The following LRRTM4 variants were observed in gnomAD, a reference collection of about 807,000 sequenced individuals.
LRRTM4 encodes the protein leucine-rich repeat transmembrane neuronal protein 4.
LRRTM4 carries 25 observed loss-of-function variants against 47.6 expected under a neutral mutation model. That is an observed-to-expected ratio of 0.53 (90% confidence interval 0.38 to 0.73). The LOEUF (loss-of-function observed/expected upper bound fraction) is 0.73. Ranked by LOEUF, LRRTM4 falls within the 30% of genes least tolerant of loss-of-function variation. The pLI is 0.00. For missense variants in LRRTM4, 638 were observed against 713.4 expected, an observed-to-expected ratio of 0.89 and a Z score of 1.20; for synonymous variants, 311 against 269.5, an observed-to-expected ratio of 1.15 and a Z score of -1.51.
intron 3 of LRRTM4, among the ~76,000 whole-genome samples, chr2:77,211,507 T>C (rs1674292565): frequency 6.6e-6 from 1 of 152,146 alleles, no homozygotes; most frequent in Admixed American, 6.6e-5. Flanking sequence ...ACCCATAACT[T>C]TATTTTGCAA....
chr2:76,936,773 G>A (rs1428411559), intron 3 of LRRTM4, among the ~76,000 whole-genome samples: 1 of 146,806 alleles, frequency 6.8e-6, no homozygotes, highest in Non-Finnish European at 1.5e-5. Context: ...TGGCCAAATG[G>A]TGAATCCCCA....
At chr2:77,248,736 G>C (rs904084104) in intron 3 of LRRTM4, among the ~76,000 whole-genome samples, 1 of 151,984 alleles carries the variant, frequency 6.6e-6, no homozygotes, top group African/African-American at 2.4e-5. Flanking sequence ...CCCTGAAATA[G>C]ACGCACATAA....
chr2:77,216,656 C>T (rs1292943019), intron 3 of LRRTM4, among the ~76,000 whole-genome samples: 2 of 152,204 alleles, frequency 1.3e-5, no homozygotes, highest in Non-Finnish European at 2.9e-5. Flanking sequence ...AGAACTGAGT[C>T]ACCTAAATTT....
intron 3 of LRRTM4, among the ~76,000 whole-genome samples, chr2:77,074,766 G>A (rs891548382): frequency 3.9e-5 from 6 of 152,146 alleles, no homozygotes; most frequent in African/African-American, 1.2e-4. Context: ...AAATCAAGAA[G>A]TGGACAAAGG....
chr2:77,452,356 C>CG (rs1298704833), intron 3 of LRRTM4, among the ~76,000 whole-genome samples: 1 of 151,868 alleles, frequency 6.6e-6, no homozygotes, highest in Admixed American at 6.6e-5. Context: ...GGATTGGATG[C>CG]GGGGAGTAAA....
At chr2:77,011,360 G>A (rs1677865803) in intron 3 of LRRTM4, among the ~76,000 whole-genome samples, 1 of 152,044 alleles carries the variant, frequency 6.6e-6, no homozygotes, top group South Asian at 2.1e-4. Context: ...ATGCGTGAGT[G>A]GCTATCACAT....
chr2:76,970,162 G>A (rs1416557750), intron 3 of LRRTM4, among the ~76,000 whole-genome samples: 1 of 151,848 alleles, frequency 6.6e-6, no homozygotes, highest in Non-Finnish European at 1.5e-5. Flanking sequence ...TATGTAAAAT[G>A]GTTCCAAAAA....
chr2:77,328,223 T>G (rs1159159261), intron 3 of LRRTM4, among the ~76,000 whole-genome samples: 1 of 152,186 alleles, frequency 6.6e-6, no homozygotes, highest in Non-Finnish European at 1.5e-5. Flanking sequence ...AAAGTCCAAG[T>G]GAGCTCAAAG....
At chr2:77,008,531 CACAGA>C (rs1163699976) in intron 3 of LRRTM4, among the ~76,000 whole-genome samples, 2 of 152,082 alleles carry the variant, frequency 1.3e-5, no homozygotes, top group Non-Finnish European at 2.9e-5. Flanking sequence ...GCATTGTCAC[CACAGA>C]ACAAATAACG....
At chr2:77,415,290 T>A (rs1674595421) in intron 3 of LRRTM4, among the ~76,000 whole-genome samples, 1 of 152,162 alleles carries the variant, frequency 6.6e-6, no homozygotes, top group South Asian at 2.1e-4. Context: ...GAGAAATACA[T>A]TTCTTCATGC....
At chr2:76,769,703 T>A (rs185841512) in intron 3 of LRRTM4, among the ~76,000 whole-genome samples, 4 of 152,240 alleles carry the variant, frequency 2.6e-5, no homozygotes, top group African/African-American at 9.6e-5. Flanking sequence ...ATCGGCATTT[T>A]AACAGGACCC....
At chr2:77,291,107 A>C (rs1403317676) in intron 3 of LRRTM4, among the ~76,000 whole-genome samples, 1 of 148,132 alleles carries the variant, frequency 6.8e-6, no homozygotes. Flanking sequence ...TAGCTGCCAT[A>C]GATTTTCTTA....
chr2:76,881,585 G>C (rs570565989), intron 3 of LRRTM4, among the ~76,000 whole-genome samples: 24 of 150,410 alleles, frequency 1.6e-4, no homozygotes, highest in African/African-American at 5.8e-4. Flanking sequence ...AATCTTAACA[G>C]TCTGTTTTAA....
intron 3 of LRRTM4, among the ~76,000 whole-genome samples, chr2:76,982,453 G>T (rs996084638): frequency 6.6e-6 from 1 of 151,962 alleles, no homozygotes; most frequent in Non-Finnish European, 1.5e-5. Context: ...GAAGTGTATT[G>T]CCCTCATTTT....
intron 3 of LRRTM4, among the ~76,000 whole-genome samples, chr2:76,898,585 A>ACAG (rs1673505562): frequency 6.7e-6 from 1 of 149,972 alleles, no homozygotes; most frequent in South Asian, 2.1e-4. Flanking sequence ...AAGAGTTAGT[A>ACAG]CAGTAATGGG....
intron 3 of LRRTM4, among the ~76,000 whole-genome samples, chr2:76,783,388 A>T (rs868318373): frequency 1.3e-5 from 2 of 152,192 alleles, no homozygotes; most frequent in Non-Finnish European, 2.9e-5. Flanking sequence ...GGTAAAATAT[A>T]CATAACATAA....
At chr2:76,988,509 A>T (rs892857484) in intron 3 of LRRTM4, among the ~76,000 whole-genome samples, 4 of 151,734 alleles carry the variant, frequency 2.6e-5, no homozygotes, top group African/African-American at 7.3e-5. Flanking sequence ...TATGCTATGG[A>T]CATCAACTTA....
intron 3 of LRRTM4, among the ~76,000 whole-genome samples, chr2:76,970,904 T>C (rs62170357): frequency 0.12 from 18,858 of 151,976 alleles, 1,476 homozygotes; most frequent in Admixed American, 0.2. Flanking sequence ...GGAGTTACAA[T>C]TGAAATATAA....
intron 3 of LRRTM4, among the ~76,000 whole-genome samples, chr2:77,192,821 T>A (rs924727289): frequency 3.9e-5 from 6 of 152,182 alleles, no homozygotes; most frequent in African/African-American, 1.2e-4. Context: ...TCAGAAAGCA[T>A]CATGTACAAT....
Sources: allele counts gnomAD v4.1 joint callset (sites outside exome capture counted in the v4.1 genomes callset), GRCh38; gene constraint gnomAD v4.1.1; transcripts MANE v1.5; gene names NCBI Gene and HGNC (gene_info 2026-07-23, HGNC 2026-07-21).